Variants in SEZ6L observed in about 807,000 individuals in gnomAD.
SEZ6L encodes seizure related 6 homolog like.
A neutral mutation model predicts 106.2 loss-of-function variants in SEZ6L; 37 were observed. The observed-to-expected ratio is 0.35, with a 90% CI of 0.27 to 0.46. The LOEUF is 0.46. Among genes scored for constraint, SEZ6L ranks in the 20% least tolerant of loss-of-function variants. The pLI is 1.00. For synonymous variants in SEZ6L, 541 were observed against 570.4 expected (o/e 0.95, Z 0.73); for missense variants, 1,172 against 1,332.8 (o/e 0.88, Z 1.88).
At chr22:26,177,013 C>T (rs1030358686) in intron 1 of SEZ6L, among the ~76,000 whole-genome samples, 13 of 152,212 alleles carry the variant, frequency 8.5e-5, no homozygotes, top group African/African-American at 2.4e-4. Context: ...CTGAATCTTA[C>T]TCATTCATAT....
chr22:26,208,775 A>T (rs1402276254), intron 1 of SEZ6L, among the ~76,000 whole-genome samples: 1 of 151,172 alleles, frequency 6.6e-6, no homozygotes, highest in Non-Finnish European at 1.5e-5. Flanking sequence ...ATCAAATTTG[A>T]GAATTTTTCA....
chr22:26,238,067 A>G (rs1215654688), intron 1 of SEZ6L, among the ~76,000 whole-genome samples: 1 of 152,198 alleles, frequency 6.6e-6, no homozygotes, highest in Non-Finnish European at 1.5e-5. Context: ...TAAACATCTT[A>G]CTGATATCCC....
intron 12 of SEZ6L, among the ~76,000 whole-genome samples, chr22:26,354,320 A>T (rs1181072310): frequency 6.6e-6 from 1 of 152,210 alleles, no homozygotes; most frequent in African/African-American, 2.4e-5. Flanking sequence ...AGATACAGAG[A>T]AGGCCACAGG....
At chr22:26,218,261 GT>G (rs982039782) in intron 1 of SEZ6L, among the ~76,000 whole-genome samples, 1 of 152,148 alleles carries the variant, frequency 6.6e-6, no homozygotes, top group Non-Finnish European at 1.5e-5. Flanking sequence ...TTACTTTTAA[GT>G]TTTGGGATAC....
At chr22:26,300,145 G>A (rs1239344784) in intron 5 of SEZ6L, among the ~76,000 whole-genome samples, 1 of 129,996 alleles carries the variant, frequency 7.7e-6, no homozygotes, top group African/African-American at 3.2e-5. Context: ...GTCTAGTCAG[G>A]TCCTTTGCCC....
intron 12 of SEZ6L, among the ~76,000 whole-genome samples, chr22:26,360,886 A>AAAAAAAC (rs2083595543): frequency 6.6e-6 from 1 of 152,134 alleles, no homozygotes; most frequent in East Asian, 1.9e-4. Flanking sequence ...ACGGGCTGAA[A>AAAAAAAC]AAAAAACAAA....
At chr22:26,378,615 T>C (rs866905993) in intron 16 of SEZ6L, among the ~76,000 whole-genome samples, 12 of 152,238 alleles carry the variant, frequency 7.9e-5, no homozygotes, top group Middle Eastern at 6.8e-3. Context: ...GAAGGCATCA[T>C]TGAGAAAGTG....
At chr22:26,285,700 C>G (rs1430107601) in intron 1 of SEZ6L, among the ~76,000 whole-genome samples, 1 of 152,144 alleles carries the variant, frequency 6.6e-6, no homozygotes, top group Non-Finnish European at 1.5e-5. Flanking sequence ...TGTCACCCAG[C>G]AAAAATGATC....
chr22:26,221,742 A>G (rs78020862), intron 1 of SEZ6L, among the ~76,000 whole-genome samples: 61 of 97,498 alleles, frequency 6.3e-4, no homozygotes, highest in African/African-American at 2.0e-3. Flanking sequence ...ACACGCGTGC[A>G]CACACACACA....
Position 26,378,689 on chromosome 22 carries a change from C to G in SEZ6L, c.3045+914C>G, listed in dbSNP as rs188696985. Among the ~76,000 whole-genome samples the G allele has an allele frequency of 3.1e-4, 47 of 152,224 alleles. No homozygotes were observed. The East Asian group carries it at 7.7e-3, about 25-fold the overall frequency. ...ACAATGGGCTGAAGAAGATGCCAGACAGAAGGGAGAGCATGTGCAAAGGTC... is the reference window on the plus strand; with the variant it reads ...ACAATGGGCTGAAGAAGATGCCAGAGAGAAGGGAGAGCATGTGCAAAGGTC... On this transcript the variant is annotated intron_variant, in intron 16 of 16. Coordinates refer to ENST00000248933, the MANE Select transcript of SEZ6L (RefSeq NM_021115.5).
At chr22:26,275,755 T>C (rs2080522642) in intron 1 of SEZ6L, among the ~76,000 whole-genome samples, 1 of 152,214 alleles carries the variant, frequency 6.6e-6, no homozygotes, top group Admixed American at 6.5e-5. Context: ...TTCTGCAGTC[T>C]AGTCCTCAGT....
intron 1 of SEZ6L, among the ~76,000 whole-genome samples, chr22:26,197,462 A>G (rs1437137258): frequency 6.6e-6 from 1 of 152,202 alleles, no homozygotes; most frequent in East Asian, 1.9e-4. Flanking sequence ...CATTGTGCAT[A>G]CATTGTCATC....
intron 1 of SEZ6L, among the ~76,000 whole-genome samples, chr22:26,220,917 A>G (rs201135378): frequency 6.6e-6 from 1 of 151,658 alleles, no homozygotes; most frequent in South Asian, 2.1e-4. Context: ...GGATGGATGG[A>G]TGGATGGATG....
Position 26,311,832 on chromosome 22 carries a change from G to T in SEZ6L, c.1746G>T (p.Pro582=), listed in dbSNP as rs148910882. 6.2e-7 allele frequency: 1 copy of T among 1,613,976 alleles called. No homozygotes were observed. Among genetic ancestry groups the T allele is most frequent in the East Asian group, 2.2e-5 (1 of 44,894 alleles). ...IQNGNFTTSD[P]TYNIGTIVEF... ...ATGGGAACTTCACTACATCCGACCC[G>T]ACCTATAACATTGGGACTATAGTGG... The change falls in exon 8 of 17, where the codon CCG becomes CCT. Residue 582 remains proline (P), a synonymous_variant. Transcript: ENST00000248933.
At chr22:26,263,772 G>A (rs112604169) in intron 1 of SEZ6L, among the ~76,000 whole-genome samples, 5 of 152,102 alleles carry the variant, frequency 3.3e-5, no homozygotes, top group African/African-American at 1.2e-4. Context: ...CAGAAGCCTG[G>A]GCATCCTCCT....
intron 6 of SEZ6L, 54 bp from the exon 7 acceptor site, chr22:26,310,616 G>A (rs2081791710): frequency 6.3e-7 from 1 of 1,594,256 alleles, no homozygotes; most frequent in African/African-American, 1.3e-5. Flanking sequence ...CCTCTGCCAT[G>A]TCAGTGACCC....
At chr22:26,309,760 G>T (rs1288386142) in intron 6 of SEZ6L, among the ~76,000 whole-genome samples, 1 of 152,082 alleles carries the variant, frequency 6.6e-6, no homozygotes, top group Non-Finnish European at 1.5e-5. Flanking sequence ...TGTATTTTTA[G>T]TAGAGACGGG....
chr22:26,171,499 C>G (rs1398612410), intron 1 of SEZ6L, among the ~76,000 whole-genome samples: 1 of 151,862 alleles, frequency 6.6e-6, no homozygotes, highest in African/African-American at 2.4e-5. Flanking sequence ...CAATACACCA[C>G]CTTGCAGGGA....
chr22:26,292,291 G>A (rs1165025032), intron 1 of SEZ6L, 115 bp from the exon 2 acceptor site: 3 of 737,554 alleles, frequency 4.1e-6, no homozygotes, highest in Non-Finnish European at 6.6e-6. Flanking sequence ...TTGGTTTAGA[G>A]GCCAGCCGGA....
Sources: allele counts gnomAD v4.1 joint callset (sites outside exome capture counted in the v4.1 genomes callset), GRCh38; gene constraint gnomAD v4.1.1; transcripts MANE v1.5; gene names NCBI Gene and HGNC (gene_info 2026-07-23, HGNC 2026-07-21).